Variants in POFUT3 observed in about 807,000 individuals in gnomAD.
The protein encoded by POFUT3 is protein O-fucosyltransferase 3.
At chr8:33,440,954 G>A in the POFUT3 span, among the ~76,000 whole-genome samples, 1 of 152,020 alleles carries the variant, frequency 6.6e-6, no homozygotes, top group Non-Finnish European at 1.5e-5. Flanking sequence ...AAAGGCCAGG[G>A]GACTCGAATC....
chr8:33,446,423 C>T, the POFUT3 span, among the ~76,000 whole-genome samples: 1 of 149,792 alleles, frequency 6.7e-6, no homozygotes, highest in Non-Finnish European at 1.5e-5. Flanking sequence ...CACCACTGCA[C>T]TCCAGCCTGG....
At chr8:33,368,662 C>A in the POFUT3 span, among the ~76,000 whole-genome samples, 1 of 152,096 alleles carries the variant, frequency 6.6e-6, no homozygotes, top group African/African-American at 2.4e-5. Context: ...ATAGACTAGT[C>A]CCAAGATTCA....
At chr8:33,347,204 C>A in the POFUT3 span, among the ~76,000 whole-genome samples, 1 of 152,208 alleles carries the variant, frequency 6.6e-6, no homozygotes, top group African/African-American at 2.4e-5. Flanking sequence ...GCAATCAACA[C>A]TCTGAGCTGA....
chr8:33,326,674 T>C, the POFUT3 span, among the ~76,000 whole-genome samples: 1 of 152,282 alleles, frequency 6.6e-6, no homozygotes, highest in Non-Finnish European at 1.5e-5. Flanking sequence ...TTACAAGAAA[T>C]TCTTTTAGAG....
chr8:33,386,138 G>A, the POFUT3 span, among the ~76,000 whole-genome samples: 4 of 133,094 alleles, frequency 3.0e-5, no homozygotes, highest in East Asian at 2.3e-4. Flanking sequence ...GCAGTGAGCC[G>A]AGATCACGCC....
At chr8:33,444,933 C>CTTTTTTTTT in the POFUT3 span, among the ~76,000 whole-genome samples, 2 of 121,648 alleles carry the variant, frequency 1.6e-5, no homozygotes, top group African/African-American at 3.2e-5. Flanking sequence ...TGACCTTCAT[C>CTTTTTTTTT]TTTTTTTTTT....
At chr8:33,391,643 T>C in the POFUT3 span, among the ~76,000 whole-genome samples, 1 of 152,122 alleles carries the variant, frequency 6.6e-6, no homozygotes, top group African/African-American at 2.4e-5. Flanking sequence ...ACCTATATAA[T>C]TGAGTTAGAA....
the POFUT3 span, among the ~76,000 whole-genome samples, chr8:33,405,174 C>A: frequency 6.6e-6 from 1 of 151,970 alleles, no homozygotes; most frequent in African/African-American, 2.4e-5. Context: ...TCTCTTTCAT[C>A]TTGGCCCACA....
At chr8:33,406,745 G>A in the POFUT3 span, among the ~76,000 whole-genome samples, 1 of 151,706 alleles carries the variant, frequency 6.6e-6, no homozygotes, top group African/African-American at 2.4e-5. Context: ...TTTATTTTTT[G>A]TAGAGACAGA....
chr8:33,395,606 C>T, the POFUT3 span, among the ~76,000 whole-genome samples: 3 of 152,092 alleles, frequency 2.0e-5, no homozygotes, highest in African/African-American at 7.2e-5. Context: ...GACCTCATTC[C>T]TCTTGGGCAC....
the POFUT3 span, chr8:33,389,891 A>C: frequency 1.2e-6 from 1 of 869,472 alleles, no homozygotes; most frequent in Admixed American, 2.4e-5. Flanking sequence ...GAGGAGTCTG[A>C]GGCTATGAAT....
chr8:33,447,528 G>A, the POFUT3 span, among the ~76,000 whole-genome samples: 1 of 152,112 alleles, frequency 6.6e-6, no homozygotes, highest in African/African-American at 2.4e-5. Context: ...CTTCAGTGGT[G>A]GCTAGAGAAT....
the POFUT3 span, among the ~76,000 whole-genome samples, chr8:33,313,028 TA>T: frequency 1.3e-5 from 2 of 151,970 alleles, no homozygotes; most frequent in Non-Finnish European, 2.9e-5. Flanking sequence ...ACTGAGTACA[TA>T]CTCTGTGCCA....
At chr8:33,404,298 A>G in the POFUT3 span, among the ~76,000 whole-genome samples, 19 of 151,080 alleles carry the variant, frequency 1.3e-4, no homozygotes, top group Admixed American at 1.2e-3. Flanking sequence ...AGATCACACC[A>G]CTGCACTCCA....
At chr8:33,454,799 T>C in the POFUT3 span, among the ~76,000 whole-genome samples, 2 of 151,946 alleles carry the variant, frequency 1.3e-5, no homozygotes, top group South Asian at 4.2e-4. Flanking sequence ...CCCAAGTAGC[T>C]GGGATTACAG....
the POFUT3 span, among the ~76,000 whole-genome samples, chr8:33,400,836 A>G: frequency 2.0e-5 from 3 of 152,216 alleles, no homozygotes; most frequent in Admixed American, 2.0e-4. Context: ...TGCTTAAAAG[A>G]GTGCTCTACT....
chr8:33,347,364 C>T, the POFUT3 span, among the ~76,000 whole-genome samples: 300 of 152,296 alleles, frequency 2.0e-3, 2 homozygotes, highest in African/African-American at 6.8e-3. Flanking sequence ...ATGTCCACCA[C>T]CAGCAGTAAG....
At chr8:33,417,049 A>G in the POFUT3 span, among the ~76,000 whole-genome samples, 3 of 152,096 alleles carry the variant, frequency 2.0e-5, no homozygotes, top group African/African-American at 7.2e-5. Flanking sequence ...GAGAAACATC[A>G]TCTGTATTTA....
the POFUT3 span, among the ~76,000 whole-genome samples, chr8:33,412,100 G>T: frequency 3.3e-5 from 5 of 152,054 alleles, no homozygotes; most frequent in African/African-American, 9.7e-5. Context: ...AAATAACAAG[G>T]CTGTGTATTT....
Sources: allele counts gnomAD v4.1 joint callset (sites outside exome capture counted in the v4.1 genomes callset), GRCh38; gene constraint gnomAD v4.1.1; transcripts MANE v1.5; gene names NCBI Gene and HGNC (gene_info 2026-07-23, HGNC 2026-07-21).